FBXO16: variants seen among roughly 807,000 people sequenced by gnomAD.
FBXO16 encodes the protein F-box protein 16, also known as F-box only protein 16.
A neutral mutation model predicts 41.0 loss-of-function variants in FBXO16; 31 were observed. That is an observed-to-expected ratio of 0.76 (90% CI 0.57 to 1.02). The LOEUF (loss-of-function observed/expected upper bound fraction) is 1.02, where lower values mean the gene tolerates loss of function less well. Among genes scored for constraint, FBXO16 ranks in the 50% least tolerant of loss-of-function variants. FBXO16 has a pLI of 0.00. For missense variants in FBXO16, 361 were observed against 346.2 expected, an observed-to-expected ratio of 1.04 and a Z score of -0.34; for synonymous variants, 133 against 117.8, an observed-to-expected ratio of 1.13 and a Z score of -0.84.
intron 5 of FBXO16, among the ~76,000 whole-genome samples, chr8:28,454,461 G>T (rs1585903155): frequency 6.6e-6 from 1 of 151,692 alleles, no homozygotes; most frequent in African/African-American, 2.4e-5. Context: ...GGGCGCGGTG[G>T]CTGAAGCCTG....
chr8:28,477,185 G>C (rs1189601238), intron 2 of FBXO16, among the ~76,000 whole-genome samples: 2 of 151,756 alleles, frequency 1.3e-5, no homozygotes, highest in African/African-American at 4.8e-5. Flanking sequence ...TTAAAATCCT[G>C]TGACTCTTAT....
chr8:28,483,348 C>A lies in FBXO16; in HGVS notation c.99G>T (p.Arg33=), dbSNP rs373752408. ...TPLNHQLLND[R]VFEERRALLG... is the part of the protein sequence containing the mutation. ...TGTTAAAATAGTTCTGGTCACTTAC[C>A]CGGTCATTCAATAGCTGATGGTTTA... Residue 33 remains arginine, a splice_region_variant and synonymous_variant, in exon 2 of 9, where the codon CGG becomes CGT. Transcript: ENST00000380254. 24 of 1,607,178 alleles carry A rather than the reference C, an allele frequency of 1.5e-5. No homozygotes were observed. Among genetic ancestry groups the A allele is most frequent in the Non-Finnish European group, 2.0e-5 (24 of 1,177,818 alleles).
In FBXO16 at chr8:28,458,044, A is replaced by G. The variant is rs537206258; in HGVS notation, c.343-1114T>C. Among the ~76,000 whole-genome samples the G allele has an allele frequency of 4.6e-5, 7 of 152,342 alleles. 1 individual carries two copies. The East Asian group carries it at 1.3e-3, about 29-fold the overall frequency. ...CAGTGTCTTAGTTGTAAGAGTTGCA[A>G]AGATGACATACAACCTTCAAGCCCA... On this transcript the variant is annotated intron_variant, in intron 4 of 8. Transcript: ENST00000380254.
chr8:28,482,347 G>A (rs1407332014), intron 2 of FBXO16, among the ~76,000 whole-genome samples: 4 of 152,120 alleles, frequency 2.6e-5, no homozygotes, highest in African/African-American at 9.7e-5. Context: ...TTTATATATG[G>A]TGATTGTGTT....
At chr8:28,489,756 G>A (rs1803661490) in intron 1 of FBXO16, among the ~76,000 whole-genome samples, 1 of 151,778 alleles carries the variant, frequency 6.6e-6, no homozygotes, top group South Asian at 2.1e-4. Flanking sequence ...GAAATGTAGA[G>A]TGAAACTCAT....
chr8:28,447,137 T>C lies in FBXO16; in HGVS notation c.843+34A>G, dbSNP rs768602046. On this transcript the variant is annotated intron_variant, in intron 7 of 8. Coordinates refer to ENST00000380254, the MANE Select transcript of FBXO16 (RefSeq NM_172366.4). ...AGAGATCTGGAGATTTTCATTAATG[T>C]TATGGTGATGAATCTTTCATAAACA... The C allele has an allele frequency of 3.2e-6, 5 of 1,552,406 alleles. No homozygotes were observed. In the East Asian group the frequency reaches 1.1e-4, roughly 35 times the overall value.
At chr8:28,438,151 A>T (rs1250930591) in intron 7 of FBXO16, among the ~76,000 whole-genome samples, 2 of 152,102 alleles carry the variant, frequency 1.3e-5, no homozygotes, top group Non-Finnish European at 2.9e-5. Context: ...CCCCGTCTCT[A>T]CTAAAAATAC....
chr8:28,435,636 T>C (rs1325348670), intron 7 of FBXO16, among the ~76,000 whole-genome samples: 1 of 151,942 alleles, frequency 6.6e-6, no homozygotes, highest in East Asian at 1.9e-4. Context: ...TGCTGATTGG[T>C]TTGTGAGTAT....
chr8:28,474,102 T>C (rs1303145003), intron 2 of FBXO16, among the ~76,000 whole-genome samples: 1 of 151,708 alleles, frequency 6.6e-6, no homozygotes, highest in Non-Finnish European at 1.5e-5. Context: ...GGCAGGCAGA[T>C]CATTTGAGCT....
chr8:28,468,690 A>G (rs1224393842), intron 3 of FBXO16, among the ~76,000 whole-genome samples: 1 of 152,064 alleles, frequency 6.6e-6, no homozygotes, highest in Non-Finnish European at 1.5e-5. Context: ...AAAAAATAAA[A>G]TAAAATAAAA....
chr8:28,447,124 A>C, intron 7 of FBXO16, 47 bp downstream of exon 7: 3 of 1,512,780 alleles, frequency 2.0e-6, no homozygotes, highest in Non-Finnish European at 2.7e-6. Flanking sequence ...AGATCTGGAG[A>C]TTTTCATTAA....
At chr8:28,481,938 T>C (rs1387995058) in intron 2 of FBXO16, among the ~76,000 whole-genome samples, 2 of 152,234 alleles carry the variant, frequency 1.3e-5, no homozygotes, top group Admixed American at 1.3e-4. Flanking sequence ...AACAGCAGGC[T>C]GACTTACTGC....
intron 2 of FBXO16, among the ~76,000 whole-genome samples, chr8:28,474,560 G>A (rs1030702045): frequency 1.3e-5 from 2 of 152,036 alleles, no homozygotes; most frequent in South Asian, 2.1e-4. Context: ...TACAAAACAA[G>A]TGAATGATCA....
rs557552522 is a variant in FBXO16, at chr8:28,436,582, G to C, written c.844-7179C>G. Among the ~76,000 whole-genome samples, 9 of 152,212 alleles carry C rather than the reference G, an allele frequency of 5.9e-5. 1 individual carries two copies. In the East Asian group the frequency reaches 1.5e-3, roughly 26 times the overall value. ...ACTACATCTTTCAGCCTTCCAAGTA[G>C]GTGAAATAGGTAGGGATGGTGCAAA... On this transcript the variant is annotated intron_variant, in intron 7 of 8. Transcript: ENST00000380254.
At chr8:28,433,083 A>G (rs1384306134) in intron 7 of FBXO16, among the ~76,000 whole-genome samples, 1 of 144,390 alleles carries the variant, frequency 6.9e-6, no homozygotes, top group Non-Finnish European at 1.5e-5. Context: ...ACAAACAAAA[A>G]ACAAACAAAC....
intron 1 of FBXO16, 115 bp from the exon 2 acceptor site, chr8:28,483,577 G>T: frequency 2.9e-6 from 2 of 692,298 alleles, no homozygotes; most frequent in Non-Finnish European, 4.9e-6. Context: ...CCAGCACTTT[G>T]GGAGGCTGAG....
At chr8:28,476,719 G>T (rs752818954) in intron 2 of FBXO16, among the ~76,000 whole-genome samples, 24 of 152,162 alleles carry the variant, frequency 1.6e-4, no homozygotes, top group Non-Finnish European at 2.8e-4. Flanking sequence ...CAATGTAGGA[G>T]TGAGATATTT....
At chr8:28,476,882 T>C (rs544986235) in intron 2 of FBXO16, among the ~76,000 whole-genome samples, 1 of 152,338 alleles carries the variant, frequency 6.6e-6, no homozygotes, top group Non-Finnish European at 1.5e-5. Context: ...ATTTAAGGTA[T>C]ACAACTTGAT....
At chr8:28,436,118 G>T (rs181291857) in intron 7 of FBXO16, among the ~76,000 whole-genome samples, 1 of 152,108 alleles carries the variant, frequency 6.6e-6, no homozygotes, top group African/African-American at 2.4e-5. Flanking sequence ...CCTCCCTCGG[G>T]GGCCTTCTTC....
Sources: allele counts gnomAD v4.1 joint callset (sites outside exome capture counted in the v4.1 genomes callset), GRCh38; gene constraint gnomAD v4.1.1; transcripts MANE v1.5; gene names NCBI Gene and HGNC (gene_info 2026-07-23, HGNC 2026-07-21).